Variants in PLA2G4C observed in about 807,000 individuals in gnomAD.
PLA2G4C encodes the protein phospholipase A2 group IVC.
In PLA2G4C, 64 loss-of-function variants were observed where a neutral mutation model predicts 73.8. The observed-to-expected ratio is 0.87, with a 90% CI of 0.71 to 1.07. The LOEUF (loss-of-function observed/expected upper bound fraction) is 1.07, where lower values mean the gene tolerates loss of function less well. Ranked by LOEUF, PLA2G4C falls within the 50% of genes least tolerant of loss-of-function variation. PLA2G4C has a pLI of 0.00. For synonymous variants in PLA2G4C, 254 were observed against 252.1 expected (o/e 1.01, Z -0.07); for missense variants, 622 against 665.4 (o/e 0.93, Z 0.72).
At chr19:48,052,822 T>G in intron 16 of PLA2G4C, 175 bp downstream of exon 16, 1 of 536,922 alleles carries the variant, frequency 1.9e-6, no homozygotes, top group South Asian at 4.0e-5. Flanking sequence ...CAGAAAACCA[T>G]TCACTCCTGA....
chr19:48,101,122 ATATATTT>A (rs565249439), intron 4 of PLA2G4C, among the ~76,000 whole-genome samples: 1,094 of 66,506 alleles, frequency 0.016, 16 homozygotes, highest in African/African-American at 0.077. Context: ...ATATATATAT[ATATATTT>A]TTTTTTTTTT....
intron 12 of PLA2G4C, chr19:48,074,526 T>A (rs1000660447): frequency 6.9e-5 from 36 of 520,596 alleles, no homozygotes; most frequent in Non-Finnish European, 1.0e-4. Flanking sequence ...GGCCAAATAG[T>A]ATTTCTGGAT....
intron 11 of PLA2G4C, among the ~76,000 whole-genome samples, chr19:48,076,739 T>A (rs2030184608): frequency 7.0e-6 from 1 of 142,054 alleles, no homozygotes; most frequent in Admixed American, 7.2e-5. Context: ...CTAGACTCTG[T>A]CTCCAAAAAA....
intron 3 of PLA2G4C, 110 bp from the exon 4 acceptor site, chr19:48,104,834 G>A (rs2032088235): frequency 9.4e-7 from 1 of 1,063,156 alleles, no homozygotes; most frequent in South Asian, 1.5e-5. Flanking sequence ...TGTAATCCCA[G>A]CACATTGGGA....
chr19:48,078,871 C>CTTTTTT (rs33976382), intron 10 of PLA2G4C, among the ~76,000 whole-genome samples: 31 of 137,968 alleles, frequency 2.2e-4, no homozygotes, highest in African/African-American at 7.6e-4. Flanking sequence ...TCCTAAAATC[C>CTTTTTT]TTTTTTTTTT....
chr19:48,067,979 A>C, intron 12 of PLA2G4C, 93 bp from the exon 13 acceptor site: 5 of 876,488 alleles, frequency 5.7e-6, no homozygotes, highest in South Asian at 1.4e-5. Context: ...CTCATCCCCC[A>C]TGGGGTTGTA....
intron 3 of PLA2G4C, 23 bp downstream of exon 3, chr19:48,105,310 G>C: frequency 6.5e-7 from 1 of 1,535,224 alleles, no homozygotes; most frequent in Non-Finnish European, 9.0e-7. Flanking sequence ...GATCTCTGGG[G>C]CCACCCTCCT....
chr19:48,080,166 G>T (rs1447935712), intron 10 of PLA2G4C, among the ~76,000 whole-genome samples: 1 of 151,932 alleles, frequency 6.6e-6, no homozygotes, highest in Non-Finnish European at 1.5e-5. Flanking sequence ...GCATCCCAAT[G>T]ATATGAATAG....
At chr19:48,082,285 T>G (rs2030626416) in intron 10 of PLA2G4C, among the ~76,000 whole-genome samples, 1 of 151,948 alleles carries the variant, frequency 6.6e-6, no homozygotes. Flanking sequence ...AGTAGCAGTG[T>G]TGATCCTTAT....
intron 1 of PLA2G4C, among the ~76,000 whole-genome samples, chr19:48,107,561 G>A (rs2032296722): frequency 2.0e-5 from 3 of 152,122 alleles, no homozygotes; most frequent in Admixed American, 6.5e-5. Flanking sequence ...ATTGCCTAGC[G>A]GACCTTGGTC....
chr19:48,100,906 T>A (rs528102996), intron 4 of PLA2G4C, among the ~76,000 whole-genome samples: 1 of 139,388 alleles, frequency 7.2e-6, no homozygotes, highest in African/African-American at 3.0e-5. Flanking sequence ...AGAGCAAGAC[T>A]CTATCTCAAA....
chr19:48,105,082 C>CAAAAAAAAAAAAAAAAAAAAAAAAA (rs3083068), intron 3 of PLA2G4C, among the ~76,000 whole-genome samples: 1 of 87,612 alleles, frequency 1.1e-5, no homozygotes, highest in Non-Finnish European at 2.2e-5. Flanking sequence ...GACGTTGTCT[C>CAAAAAAAAAAAAAAAAAAAAAAAAA]AAAAAAAAAA....
chr19:48,069,394 C>T (rs1216011104), intron 12 of PLA2G4C, among the ~76,000 whole-genome samples: 1 of 152,110 alleles, frequency 6.6e-6, no homozygotes, highest in African/African-American at 2.4e-5. Context: ...TTCCCGTGCT[C>T]CCTTCCCCAG....
At chr19:48,106,600 G>C (rs1010724369) in intron 1 of PLA2G4C, 39 bp from the exon 2 acceptor site, 2 of 1,569,746 alleles carry the variant, frequency 1.3e-6, no homozygotes, top group African/African-American at 2.7e-5. Context: ...TGTGCCCACT[G>C]TTGGGCTTAG....
Position 48,047,966 on chromosome 19 carries a change from G to T in PLA2G4C, c.*377C>A. ...TCTTACTTCTACAGAGCTAACTTGT[G>T]CAGAGCTACTGGCTAGAAGTGCAGT... On this transcript the variant is annotated 3_prime_UTR_variant, in exon 17 of 17. Transcript: ENST00000599921. The T allele has an allele frequency of 8.2e-6, 2 of 244,480 alleles. No homozygotes were observed. The highest frequency in any genetic ancestry group is 1.3e-4 in the South Asian group (2 of 15,288). 15.1% of individuals were successfully genotyped at this position (244,480 alleles called of 1,614,324 possible).
At chr19:48,062,232 G>A in intron 13 of PLA2G4C, 80 bp from the exon 14 acceptor site, 1 of 1,251,510 alleles carries the variant, frequency 8.0e-7, no homozygotes, top group Non-Finnish European at 1.1e-6. Context: ...CAGAGAGGGG[G>A]ATGGGAAAAT....
At chr19:48,058,667 A>T (rs1217736909) in intron 14 of PLA2G4C, among the ~76,000 whole-genome samples, 1 of 151,796 alleles carries the variant, frequency 6.6e-6, no homozygotes, top group Admixed American at 6.6e-5. Flanking sequence ...AAAATACAGA[A>T]ATTAGCCGGG....
chr19:48,097,545 C>T (rs2031661900), intron 6 of PLA2G4C, among the ~76,000 whole-genome samples: 1 of 151,670 alleles, frequency 6.6e-6, no homozygotes, highest in Non-Finnish European at 1.5e-5. Context: ...AGCCACTGCG[C>T]CCGGCCCCTT....
At chr19:48,089,304 G>A (rs943399156) in intron 8 of PLA2G4C, among the ~76,000 whole-genome samples, 3 of 152,074 alleles carry the variant, frequency 2.0e-5, no homozygotes, top group Non-Finnish European at 2.9e-5. Context: ...GTGCGCGCCT[G>A]TAGTCCCAGT....
Sources: gnomAD v4.1 joint callset for allele counts (sites outside exome capture counted in the v4.1 genomes callset) on GRCh38, gnomAD v4.1.1 for gene constraint, MANE v1.5 for transcripts, NCBI Gene and HGNC (gene_info 2026-07-23, HGNC 2026-07-21) for gene names.